The following CRIM1 variants were observed in gnomAD, a reference collection of about 807,000 sequenced individuals.
CRIM1 encodes the protein cysteine rich transmembrane BMP regulator 1, also known as cysteine-rich motor neuron 1 protein.
In CRIM1, 32 loss-of-function variants were observed where a neutral mutation model predicts 116.4. That is an observed-to-expected ratio of 0.27 (90% CI 0.21 to 0.37). The LOEUF (loss-of-function observed/expected upper bound fraction) is 0.37. CRIM1 is among the 10% of genes least tolerant of loss of function. The pLI is 1.00. For missense variants in CRIM1, 1,331 were observed against 1,354.8 expected, an observed-to-expected ratio of 0.98 and a Z score of 0.28; for synonymous variants, 590 against 509.2, an observed-to-expected ratio of 1.16 and a Z score of -2.13.
chr2:36,398,198 C>G (rs1447658670), intron 2 of CRIM1, among the ~76,000 whole-genome samples: 1 of 152,184 alleles, frequency 6.6e-6, no homozygotes, highest in Admixed American at 6.5e-5. Flanking sequence ...AGAATCATTA[C>G]TTTTTGCTAT....
chr2:36,405,845 T>C lies in CRIM1; in HGVS notation c.505+9058T>C, dbSNP rs568328109. 5.5e-4 allele frequency among the ~76,000 whole-genome samples: 84 copies of C among 152,304 alleles called. 2 individuals are homozygous for C. The South Asian group carries it at 0.01, about 18-fold the overall frequency. The stretch of plus-strand genomic sequence containing the variant: ...TTAAAAAATTTTTTTCTCAAGTAAA[T>C]GTTAAATTAAAAATGAAATATTTCA... On this transcript the variant is annotated intron_variant, in intron 2 of 16. Coordinates refer to ENST00000280527, the MANE Select transcript of CRIM1 (RefSeq NM_016441.3).
At chr2:36,423,120 T>A (rs1181679939) in intron 2 of CRIM1, among the ~76,000 whole-genome samples, 1 of 152,250 alleles carries the variant, frequency 6.6e-6, no homozygotes, top group African/African-American at 2.4e-5. Context: ...TCTTGGGTAC[T>A]TTCAAATTCA....
At chr2:36,423,562 G>T (rs1256553797) in intron 2 of CRIM1, among the ~76,000 whole-genome samples, 1 of 152,226 alleles carries the variant, frequency 6.6e-6, no homozygotes, top group Non-Finnish European at 1.5e-5. Context: ...GGCCTTTTGC[G>T]ATTGTTGTGT....
intron 5 of CRIM1, among the ~76,000 whole-genome samples, chr2:36,467,507 G>C (rs1288615443): frequency 6.6e-6 from 1 of 152,152 alleles, no homozygotes; most frequent in African/African-American, 2.4e-5. Flanking sequence ...ACATATCAAA[G>C]ATTCATTATC....
intron 12 of CRIM1, among the ~76,000 whole-genome samples, chr2:36,519,068 A>G (rs140028220): frequency 6.6e-6 from 1 of 151,896 alleles, no homozygotes; most frequent in East Asian, 1.9e-4. Context: ...CCGGGAAACT[A>G]AAGCAGCAAA....
chr2:36,484,317 T>C (rs1414163978), intron 7 of CRIM1, among the ~76,000 whole-genome samples: 2 of 152,214 alleles, frequency 1.3e-5, no homozygotes, highest in Admixed American at 6.5e-5. Flanking sequence ...TCATTAGATA[T>C]TGAGAATTAT....
chr2:36,440,392 C>G (rs1264435034), intron 2 of CRIM1, among the ~76,000 whole-genome samples: 1 of 152,172 alleles, frequency 6.6e-6, no homozygotes, highest in Admixed American at 6.5e-5. Context: ...CACCAAAGGT[C>G]CTGGGCTGGG....
At position 36,366,420 on chromosome 2, in the gene CRIM1, T is replaced by A. The variant is rs181266566; in HGVS notation, c.331+9797T>A. On this transcript the variant is annotated intron_variant, in intron 1 of 16. Transcript: ENST00000280527. ...CTTCTGAATATTTAAGAAAAAAAAA[T>A]AAGTGTTAATTATATTGTAGGGTGT... Among the ~76,000 whole-genome samples the A allele has an allele frequency of 4.1e-3, 621 of 151,564 alleles. 7 individuals are homozygous for A. Among genetic ancestry groups the A allele is most frequent in the African/African-American group, 0.015 (600 of 41,150 alleles).
intron 13 of CRIM1, 133 bp downstream of exon 13, chr2:36,522,446 G>A (rs1287159905): frequency 8.8e-6 from 6 of 682,652 alleles, no homozygotes; most frequent in Admixed American, 4.6e-5. Context: ...CAGACCCAGT[G>A]TAGCAACACT....
At chr2:36,541,443 A>G (rs999037370) in intron 14 of CRIM1, among the ~76,000 whole-genome samples, 20 of 152,274 alleles carry the variant, frequency 1.3e-4, no homozygotes, top group African/African-American at 4.8e-4. Context: ...GAAGAAACTG[A>G]GGCTCAGGAA....
chr2:36,546,790 T>TAA (rs1159932615), intron 15 of CRIM1, among the ~76,000 whole-genome samples, 194 bp from the exon 16 acceptor site: 7 of 130,536 alleles, frequency 5.4e-5, no homozygotes, highest in African/African-American at 2.1e-4. Context: ...TTTTTTTTTT[T>TAA]AACATTCATC....
Position 36,548,822 on chromosome 2 carries a change from G to T in CRIM1, c.*121G>T. On this transcript the variant is annotated 3_prime_UTR_variant, in exon 17 of 17. Transcript: ENST00000280527. Reference sequence around the variant, plus strand: ...ATTGGATTGTGACTTGATGTACAGCGCTAAGACCTTACTGGGATGGGCTCT... The same window carrying T: ...ATTGGATTGTGACTTGATGTACAGCTCTAAGACCTTACTGGGATGGGCTCT... The T allele has an allele frequency of 1.3e-6, 1 of 752,486 alleles. No homozygotes were observed. The highest frequency in any genetic ancestry group is 2.1e-6 in the Non-Finnish European group (1 of 477,724). 46.6% of individuals were successfully genotyped at this position (752,486 alleles called of 1,614,324 possible). A position where few individuals can be genotyped will look rare whatever the true frequency, so the allele number is the denominator to read the frequency against.
At position 36,356,456 on chromosome 2, in the gene CRIM1, T is replaced by C. The variant is rs150645000; in HGVS notation, c.164T>C (p.Ile55Thr). ...CEEPRNCPGS[I>T]VQGVCGCCYT... ...GAGCCCAGGAACTGCCCGGGGAGCA[T>C]CGTGCAGGGCGTCTGCGGCTGCTGC... The change falls in exon 1 of 17, where the codon ATC becomes ACC. Residue 55 changes from isoleucine (I) to threonine (T), a missense_variant. By Grantham distance (89) the Ile-to-Thr change is moderately conservative (BLOSUM62 -1). This residue lies in a region of CRIM1 where 690 missense variants were observed against 676.0 expected (regional missense o/e 1.02). Transcript: ENST00000280527. The surrounding 1 kb of genome is among the most constrained non-coding windows in gnomAD (Gnocchi z 4.3). The C allele has an allele frequency of 1.9e-5, 31 of 1,612,280 alleles. No individual in the cohort carries two copies. Among genetic ancestry groups the C allele is most frequent in the Non-Finnish European group, 2.5e-5 (29 of 1,179,766 alleles).
At chr2:36,418,013 C>T (rs947621173) in intron 2 of CRIM1, among the ~76,000 whole-genome samples, 7 of 152,050 alleles carry the variant, frequency 4.6e-5, no homozygotes, top group African/African-American at 7.2e-5. Flanking sequence ...TTGTGCATGC[C>T]GATCTTCTGT....
chr2:36,548,438 C>A, intron 16 of CRIM1, 87 bp from the exon 17 acceptor site: 2 of 961,158 alleles, frequency 2.1e-6, no homozygotes, highest in Non-Finnish European at 3.1e-6. Context: ...TGTTATCTCA[C>A]CTGAGTTAGG....
In CRIM1 at chr2:36,356,638, T is replaced by A; in HGVS notation, c.331+15T>A. The A allele has an allele frequency of 6.3e-7, 1 of 1,598,224 alleles. No individual in the cohort carries two copies. The highest frequency in any genetic ancestry group is 2.2e-5 in the East Asian group (1 of 44,680). Reference sequence around the variant, plus strand: ...CGTTTGCGAAGGTACGGCCGCCCGCTGCGGGCCCCCTCCCACCTGGCCTGC... The same window carrying A: ...CGTTTGCGAAGGTACGGCCGCCCGCAGCGGGCCCCCTCCCACCTGGCCTGC... On this transcript the variant is annotated intron_variant, in intron 1 of 16. Transcript: ENST00000280527. The surrounding 1 kb of genome is among the most constrained non-coding windows in gnomAD (Gnocchi z 4.3).
rs111869351 is a variant in CRIM1 at position 36,360,144 on chromosome 2, T to C, written c.331+3521T>C. ...GAGCTAAGGGGTTGAGAGCCATTTCTTCTCCCATGTGTCATAGCGCTTTAT... is the reference window on the plus strand; with the variant it reads ...GAGCTAAGGGGTTGAGAGCCATTTCCTCTCCCATGTGTCATAGCGCTTTAT... On this transcript the variant is annotated intron_variant, in intron 1 of 16. Transcript: ENST00000280527. 3.9e-4 allele frequency among the ~76,000 whole-genome samples: 59 copies of C among 152,356 alleles called. 1 individual carries two copies. Among genetic ancestry groups the C allele is most frequent in the African/African-American group, 1.4e-3 (57 of 41,586 alleles).
chr2:36,463,046 A>T (rs1196815828), intron 4 of CRIM1, among the ~76,000 whole-genome samples: 1 of 152,204 alleles, frequency 6.6e-6, no homozygotes, highest in African/African-American at 2.4e-5. Context: ...ATACAATTGC[A>T]GCAAAACCTG....
intron 14 of CRIM1, among the ~76,000 whole-genome samples, chr2:36,540,651 A>G (rs1247576894): frequency 2.7e-5 from 4 of 150,778 alleles, no homozygotes; most frequent in African/African-American, 4.9e-5. Flanking sequence ...TTTGTTCTTT[A>G]TAGGGAATGG....
Sources: allele counts gnomAD v4.1 joint callset (sites outside exome capture counted in the v4.1 genomes callset), GRCh38; gene constraint gnomAD v4.1.1; regional missense constraint gnomAD v4.1.1; non-coding constraint Gnocchi (gnomAD v3.1); transcripts MANE v1.5; gene names NCBI Gene and HGNC (gene_info 2026-07-23, HGNC 2026-07-21).